The following KIAA1217 variants were observed in gnomAD, a reference collection of about 807,000 sequenced individuals.
The protein encoded by KIAA1217 is sickle tail protein homolog.
Under a neutral mutation model 163.9 loss-of-function variants are expected in KIAA1217, and 88 were observed. That is an observed-to-expected ratio of 0.54 (90% CI 0.45 to 0.64). The LOEUF is 0.64. Among genes scored for constraint, KIAA1217 ranks in the 30% least tolerant of loss-of-function variants. The pLI is 0.00. For synonymous variants in KIAA1217, 903 were observed against 923.1 expected (o/e 0.98, Z 0.39); for missense variants, 2,372 against 2,475.0 (o/e 0.96, Z 0.88).
At chr10:24,433,240 TTTTTG>T (rs2131819293) in intron 4 of KIAA1217, 47 bp downstream of exon 4, 3 of 1,427,714 alleles carry the variant, frequency 2.1e-6, no homozygotes, top group Middle Eastern at 1.9e-4. Context: ...CTTAGAGTTT[TTTTTG>T]TTTTTTGTTT....
At chr10:23,812,488 C>A (rs963696585) in intron 1 of KIAA1217, among the ~76,000 whole-genome samples, 1 of 151,402 alleles carries the variant, frequency 6.6e-6, no homozygotes, top group Non-Finnish European at 1.5e-5. Flanking sequence ...ATTATTGTTT[C>A]TTTTTTTTTA....
chr10:24,069,257 T>C (rs1190333017), intron 2 of KIAA1217, among the ~76,000 whole-genome samples: 1 of 152,222 alleles, frequency 6.6e-6, no homozygotes, highest in African/African-American at 2.4e-5. Flanking sequence ...GTAGAGGTTG[T>C]AATGTTCGAC....
intron 1 of KIAA1217, among the ~76,000 whole-genome samples, chr10:23,944,175 A>C (rs911243771): frequency 2.0e-5 from 3 of 152,238 alleles, no homozygotes; most frequent in African/African-American, 7.2e-5. Context: ...CTGCAATCCC[A>C]GCACTTAGGG....
chr10:24,361,451 G>C (rs2049987827), intron 2 of KIAA1217, among the ~76,000 whole-genome samples: 1 of 152,278 alleles, frequency 6.6e-6, no homozygotes, highest in East Asian at 1.9e-4. Context: ...GCCTCCCAAA[G>C]TGCTGAATTT....
chr10:24,298,494 A>C (rs1394656312), intron 2 of KIAA1217, among the ~76,000 whole-genome samples: 1 of 152,176 alleles, frequency 6.6e-6, no homozygotes, highest in African/African-American at 2.4e-5. Flanking sequence ...ACTTAATCAA[A>C]GGGTTAGAAA....
At chr10:24,216,745 C>T (rs1383214851) in intron 1 of KIAA1217, among the ~76,000 whole-genome samples, 3 of 146,896 alleles carry the variant, frequency 2.0e-5, no homozygotes, top group African/African-American at 2.5e-5. Flanking sequence ...AAGAATTGCT[C>T]GAACTCGGGA....
chr10:24,174,028 C>A (rs926247943), intron 2 of KIAA1217, among the ~76,000 whole-genome samples: 1 of 152,194 alleles, frequency 6.6e-6, no homozygotes, highest in Non-Finnish European at 1.5e-5. Flanking sequence ...TGGAAATGCA[C>A]CATTCTAATT....
intron 2 of KIAA1217, among the ~76,000 whole-genome samples, chr10:24,096,868 A>G (rs999006814): frequency 6.6e-6 from 1 of 152,348 alleles, no homozygotes; most frequent in Non-Finnish European, 1.5e-5. Flanking sequence ...GCAAGAAAGA[A>G]GTGGGTCAGG....
intron 2 of KIAA1217, among the ~76,000 whole-genome samples, chr10:24,013,060 C>G (rs1217435810): frequency 6.6e-6 from 1 of 152,142 alleles, no homozygotes; most frequent in African/African-American, 2.4e-5. Context: ...ATTTGAGTCA[C>G]TCAAAGTACA....
At chr10:23,907,262 G>T (rs1162545534) in intron 1 of KIAA1217, among the ~76,000 whole-genome samples, 1 of 150,884 alleles carries the variant, frequency 6.6e-6, no homozygotes, top group African/African-American at 2.4e-5. Flanking sequence ...TATTAGTCAG[G>T]GTTCTGCAGA....
intron 1 of KIAA1217, among the ~76,000 whole-genome samples, chr10:23,840,808 A>G (rs1041812515): frequency 2.6e-5 from 4 of 152,356 alleles, no homozygotes; most frequent in Admixed American, 6.5e-5. Flanking sequence ...GGTCATAATC[A>G]GAGTTCGACA....
intron 2 of KIAA1217, among the ~76,000 whole-genome samples, chr10:24,085,021 C>G (rs931272441): frequency 6.7e-6 from 1 of 149,434 alleles, no homozygotes; most frequent in Non-Finnish European, 1.5e-5. Context: ...TCACGCCATT[C>G]TCCTGCCTCA....
At chr10:24,298,939 G>A (rs1476194480) in intron 2 of KIAA1217, among the ~76,000 whole-genome samples, 15 of 152,210 alleles carry the variant, frequency 9.9e-5, no homozygotes, top group Admixed American at 9.8e-4. Context: ...AGGAATTAAT[G>A]CACTGAGTTT....
chr10:23,821,808 C>G (rs1329435574), intron 1 of KIAA1217, among the ~76,000 whole-genome samples: 1 of 152,214 alleles, frequency 6.6e-6, no homozygotes, highest in East Asian at 1.9e-4. Flanking sequence ...GCTTAAGAGT[C>G]TCATGGTGTT....
intron 2 of KIAA1217, among the ~76,000 whole-genome samples, chr10:24,064,885 G>A (rs1052998491): frequency 1.1e-4 from 17 of 152,096 alleles, no homozygotes; most frequent in African/African-American, 1.4e-4. Context: ...TGTATGTGTC[G>A]AGGAATTTAT....
intron 1 of KIAA1217, among the ~76,000 whole-genome samples, chr10:23,928,250 G>C (rs4474346): frequency 0.42 from 63,121 of 152,066 alleles, 16,473 homozygotes; most frequent in African/African-American, 0.74. Flanking sequence ...CGGTCCAGAT[G>C]GACTGGGGGA....
chr10:24,507,964 T>C (rs1339190141), intron 9 of KIAA1217, among the ~76,000 whole-genome samples: 4 of 152,206 alleles, frequency 2.6e-5, no homozygotes, highest in African/African-American at 9.7e-5. Context: ...ATGACGTCTT[T>C]AAAGTATTGA....
intron 2 of KIAA1217, among the ~76,000 whole-genome samples, chr10:24,222,592 C>T (rs1356549718): frequency 6.6e-6 from 1 of 152,144 alleles, no homozygotes; most frequent in Non-Finnish European, 1.5e-5. Flanking sequence ...CTCACTTCAA[C>T]CTCCACCTCT....
chr10:23,967,255 A>G (rs1423881669), intron 1 of KIAA1217, among the ~76,000 whole-genome samples: 2 of 152,150 alleles, frequency 1.3e-5, no homozygotes, highest in African/African-American at 4.8e-5. Flanking sequence ...GTCCAGTTCG[A>G]TAAGTAGAAA....
Sources: gnomAD v4.1 joint callset for allele counts (sites outside exome capture counted in the v4.1 genomes callset) on GRCh38, gnomAD v4.1.1 for gene constraint, MANE v1.5 for transcripts, NCBI Gene and HGNC (gene_info 2026-07-23, HGNC 2026-07-21) for gene names.